PRKRA: variants seen among roughly 807,000 people sequenced by gnomAD.
PRKRA encodes interferon-inducible double-stranded RNA-dependent protein kinase activator A.
In PRKRA, 22 loss-of-function variants were observed where a neutral mutation model predicts 32.4. That is an observed-to-expected ratio of 0.68 (90% CI 0.49 to 0.97). The LOEUF (loss-of-function observed/expected upper bound fraction) is 0.97, where lower values mean the gene tolerates loss of function less well. Ranked by LOEUF, PRKRA falls within the 50% of genes least tolerant of loss-of-function variation. PRKRA has a pLI of 0.00. For synonymous variants in PRKRA, 139 were observed against 129.8 expected (o/e 1.07, Z -0.48); for missense variants, 319 against 375.6 (o/e 0.85, Z 1.25).
At chr2:178,441,764 T>G (rs1301484792) in intron 5 of PRKRA, 60 bp from the exon 6 acceptor site, 2 of 1,061,848 alleles carry the variant, frequency 1.9e-6, no homozygotes, top group East Asian at 4.6e-5. Context: ...CAGAGGATGA[T>G]CAAACGTATG....
At chr2:178,450,125 T>G in intron 2 of PRKRA, 117 bp downstream of exon 2, 1 of 1,294,776 alleles carries the variant, frequency 7.7e-7, no homozygotes, top group South Asian at 1.2e-5. Context: ...AGGTCTCAGT[T>G]TCAGAGCCTG....
In PRKRA at chr2:178,436,690, T is replaced by C. The variant is rs1471416592; in HGVS notation, c.610-371A>G. 2.0e-5 allele frequency among the ~76,000 whole-genome samples: 3 copies of C among 151,856 alleles called. No individual in the cohort carries two copies. In the East Asian group the frequency reaches 5.8e-4, roughly 29 times the overall value. ...ATGGAGCAATTTGCAGATTAAAATA[T>C]AGAACAATTTTCATATCTTTGGTTT... On this transcript the variant is annotated intron_variant, in intron 6 of 7. Coordinates refer to ENST00000325748, the MANE Select transcript of PRKRA (RefSeq NM_003690.5).
At position 178,451,098 on chromosome 2, in the gene PRKRA, G is replaced by C; in HGVS notation, c.-68C>G. On this transcript the variant is annotated 5_prime_UTR_variant, in exon 1 of 8. Transcript: ENST00000325748. ...GAGCGACGTGCTCGCTCCCCGGGTC[G>C]CTGGTCCCCGGGAGGAGCTCCAGCG... 1 of 1,501,580 alleles carries C rather than the reference G, an allele frequency of 6.7e-7. No homozygotes were observed. The highest frequency in any genetic ancestry group is 8.9e-7 in the Non-Finnish European group (1 of 1,123,162). The allele number at this position is 1,501,580 out of a possible 1,614,324, so 93.0% of individuals were successfully genotyped here.
chr2:178,435,533 G>C (rs944876854), intron 7 of PRKRA, among the ~76,000 whole-genome samples: 1 of 152,082 alleles, frequency 6.6e-6, no homozygotes, highest in Non-Finnish European at 1.5e-5. Context: ...AGAAAATACA[G>C]ATGATGATGG....
chr2:178,451,072 G>A lies in PRKRA; in HGVS notation c.-42C>T. ...TCAGCGGCTGGAGGAAGAGCGGTGC[G>A]GAGCGACGTGCTCGCTCCCCGGGTC... On this transcript the variant is annotated 5_prime_UTR_variant, in exon 1 of 8. Transcript: ENST00000325748. 6.5e-7 allele frequency: 1 copy of A among 1,540,068 alleles called. No individual in the cohort carries two copies. The highest frequency in any genetic ancestry group is 8.7e-7 in the Non-Finnish European group (1 of 1,147,482).
Position 178,443,394 on chromosome 2 carries a change from C to G in PRKRA, c.397-10G>C, listed in dbSNP as rs752442006. The G allele has an allele frequency of 1.4e-6, 1 of 727,848 alleles. No individual in the cohort carries two copies. Among genetic ancestry groups the G allele is most frequent in the African/African-American group, 2.0e-5 (1 of 49,616 alleles). 45.1% of individuals were successfully genotyped at this position (727,848 alleles called of 1,614,324 possible). ...GATGAATAGCCAATTCCTATAAAAT[C>G]AAGATGAGGCTTTAATAGTAATTTT... On this transcript the variant is annotated splice_polypyrimidine_tract_variant and intron_variant, in intron 4 of 7. Coordinates refer to ENST00000325748, the MANE Select transcript of PRKRA (RefSeq NM_003690.5).
At chr2:178,440,501 C>T (rs1393143140) in intron 6 of PRKRA, among the ~76,000 whole-genome samples, 1 of 152,176 alleles carries the variant, frequency 6.6e-6, no homozygotes, top group Non-Finnish European at 1.5e-5. Context: ...TAAGCTATTC[C>T]ATAAGCACTT....
intron 2 of PRKRA, chr2:178,449,943 C>G (rs1697487393): frequency 4.2e-6 from 2 of 476,034 alleles, no homozygotes; most frequent in Non-Finnish European, 7.7e-6. Context: ...TCCTGCTTCC[C>G]TCTAATTCTA....
intron 3 of PRKRA, among the ~76,000 whole-genome samples, chr2:178,446,425 A>C (rs1697314740): frequency 6.6e-6 from 1 of 152,222 alleles, no homozygotes; most frequent in Non-Finnish European, 1.5e-5. Flanking sequence ...GTCACTGGTT[A>C]GTTCTAAACT....
At chr2:178,435,353 A>G (rs1470844012) in intron 7 of PRKRA, among the ~76,000 whole-genome samples, 1 of 145,984 alleles carries the variant, frequency 6.9e-6, no homozygotes, top group Non-Finnish European at 1.5e-5. Context: ...ACTGTACTCC[A>G]GCCTGGGCAA....
In PRKRA at chr2:178,443,387, A is replaced by T; in HGVS notation, c.397-3T>A. Reference sequence around the variant, plus strand: ...CAGCCATGATGAATAGCCAATTCCTATAAAATCAAGATGAGGCTTTAATAG... The same window carrying T: ...CAGCCATGATGAATAGCCAATTCCTTTAAAATCAAGATGAGGCTTTAATAG... On this transcript the variant is annotated splice_polypyrimidine_tract_variant and splice_region_variant and intron_variant, in intron 4 of 7. Transcript: ENST00000325748. The T allele has an allele frequency of 1.3e-6, 1 of 761,138 alleles. No homozygotes were observed. Among genetic ancestry groups the T allele is most frequent in the Non-Finnish European group, 1.9e-6 (1 of 527,048 alleles). The allele number at this position is 761,138 out of a possible 1,614,324, so 47.1% of individuals were successfully genotyped here.
Position 178,451,043 on chromosome 2 carries a change from C to T in PRKRA, c.-13G>A, listed in dbSNP as rs1697610673. On this transcript the variant is annotated 5_prime_UTR_variant, in exon 1 of 8. Coordinates refer to ENST00000325748, the MANE Select transcript of PRKRA (RefSeq NM_003690.5). The stretch of plus-strand genomic sequence containing the variant: ...TGCTCTGGGACATGGCGAGAAGGGA[C>T]GGCTCAGCGGCTGGAGGAAGAGCGG... 6.4e-7 allele frequency: 1 copy of T among 1,554,016 alleles called. No homozygotes were observed. The highest frequency in any genetic ancestry group is 8.7e-7 in the Non-Finnish European group (1 of 1,155,214).
At chr2:178,434,311 G>C (rs766306996) in intron 7 of PRKRA, among the ~76,000 whole-genome samples, 2 of 151,754 alleles carry the variant, frequency 1.3e-5, no homozygotes, top group Non-Finnish European at 2.9e-5. Context: ...GGGTTTCACC[G>C]TGTTGGTCAG....
chr2:178,434,029 G>A (rs1212343757), intron 7 of PRKRA: 2 of 151,750 alleles, frequency 1.3e-5, no homozygotes, highest in African/African-American at 2.4e-5. Flanking sequence ...GACATGGGTC[G>A]TTCATCTCTG....
In PRKRA at chr2:178,450,430, G is replaced by A. The variant is rs772423771; in HGVS notation, c.66-19C>T. 3.5e-6 allele frequency: 3 copies of A among 849,284 alleles called. No individual in the cohort carries two copies. Among genetic ancestry groups the A allele is most frequent in the Admixed American group, 3.8e-5 (1 of 26,040 alleles). 52.6% of individuals were successfully genotyped at this position (849,284 alleles called of 1,614,324 possible). A position where few individuals can be genotyped will look rare whatever the true frequency, so the allele number is the denominator to read the frequency against. ...CCCCAAACTGCAAAAACCACAAAAA[G>A]GTGTGCTTTGCATGCCAAATTGGAG... On this transcript the variant is annotated intron_variant, in intron 1 of 7. Transcript: ENST00000325748.
chr2:178,437,934 C>T (rs572478723), intron 6 of PRKRA, among the ~76,000 whole-genome samples: 1 of 152,248 alleles, frequency 6.6e-6, no homozygotes. Flanking sequence ...AACTCTTGGG[C>T]TCTAGCAGTC....
chr2:178,449,969 G>T (rs557907002), intron 2 of PRKRA: 2 of 535,670 alleles, frequency 3.7e-6, no homozygotes, highest in Admixed American at 3.1e-5. Flanking sequence ...AACCCTAGGA[G>T]GATCCTAGGG....
chr2:178,432,244 G>T lies in PRKRA; in HGVS notation c.795C>A (p.Ser265Arg), dbSNP rs150679361. 1.9e-6 allele frequency: 3 copies of T among 1,614,182 alleles called. No homozygotes were observed. Among genetic ancestry groups the T allele is most frequent in the Admixed American group, 1.7e-5 (1 of 60,032 alleles). Reference protein sequence around the residue: ...NITYLDIDELSANGQYQCLAE... With the variant: ...NITYLDIDELRANGQYQCLAE... The stretch of plus-strand genomic sequence containing the variant: ...CAAGACATTGATATTGTCCATTGGC[G>T]CTCAGTTCATCTGTAATGACACATT... The change falls in exon 8 of 8, where the codon AGC becomes AGA. Residue 265 changes from serine to arginine, a missense_variant. Coordinates refer to ENST00000325748, the MANE Select transcript of PRKRA (RefSeq NM_003690.5).
chr2:178,444,881 T>C (rs188539194), intron 3 of PRKRA, among the ~76,000 whole-genome samples: 6 of 152,386 alleles, frequency 3.9e-5, no homozygotes. Flanking sequence ...AGGTAGGGCC[T>C]ATGTATCACT....
Sources: gnomAD v4.1 joint callset for allele counts (sites outside exome capture counted in the v4.1 genomes callset) on GRCh38, gnomAD v4.1.1 for gene constraint, MANE v1.5 for transcripts, NCBI Gene and HGNC (gene_info 2026-07-23, HGNC 2026-07-21) for gene names.